The following NUP50 variants were observed in gnomAD, a reference collection of about 807,000 sequenced individuals.
NUP50 encodes nucleoporin 50, also known as nuclear pore complex protein Nup50.
NUP50 carries 14 observed loss-of-function variants against 36.8 expected under a neutral mutation model. That is an observed-to-expected ratio of 0.38 (90% confidence interval 0.25 to 0.59). The LOEUF (loss-of-function observed/expected upper bound fraction) is 0.59, where lower values mean the gene tolerates loss of function less well. Among genes scored for constraint, NUP50 ranks in the 20% least tolerant of loss-of-function variants. The pLI is 0.63. For synonymous variants in NUP50, 195 were observed against 210.8 expected (o/e 0.93, Z 0.65); for missense variants, 455 against 564.6 (o/e 0.81, Z 1.97).
chr22:45,166,838 GTATT>G (rs1196374528), intron 1 of NUP50, among the ~76,000 whole-genome samples: 2 of 152,034 alleles, frequency 1.3e-5, no homozygotes, highest in African/African-American at 2.4e-5. Flanking sequence ...AATGGAAAGT[GTATT>G]TATTTCTCAT....
In NUP50 at chr22:45,178,540, G is replaced by T; in HGVS notation, c.643G>T (p.Val215Leu). 6.2e-7 allele frequency: 1 copy of T among 1,612,056 alleles called. No homozygotes were observed. Among genetic ancestry groups the T allele is most frequent in the Non-Finnish European group, 8.5e-7 (1 of 1,179,868 alleles). ...GRNSESESNK[V>L]AAETQSPSLF... ...GAATTCTGAAAGTGAATCTAACAAA[G>T]TGGCAGCTGAAACACAGTCTCCTTC... is the stretch of plus-strand genomic sequence containing the variant. Residue 215 changes from valine (V) to leucine (L), a missense_variant, in exon 5 of 8, where the codon GTG becomes TTG. Coordinates refer to ENST00000347635, the MANE Select transcript of NUP50 (RefSeq NM_007172.4).
Position 45,178,705 on chromosome 22 carries a change from T to C in NUP50, c.808T>C (p.Ser270Pro). 6.2e-7 allele frequency: 1 copy of C among 1,612,756 alleles called. No individual in the cohort carries two copies. Among genetic ancestry groups the C allele is most frequent in the Admixed American group, 1.7e-5 (1 of 60,010 alleles). Residue 270 changes from serine to proline, a missense_variant, in exon 5 of 8, where the codon TCA becomes CCA. Physicochemically the swap from Ser to Pro is moderately conservative, Grantham distance 74 (BLOSUM62 -1). This residue lies in a region of NUP50 where 287 missense variants were observed against 345.5 expected (regional missense o/e 0.83). Transcript: ENST00000347635. ...DPSSLGATSA[S>P]FNFGKKVDSS... ...ATCATCACTAGGAGCGACAAGTGCC[T>C]CATTTAATTTCGGCAAGAAAGTTGA...
Position 45,175,980 on chromosome 22 carries a change from T to C in NUP50, c.240T>C (p.Ala80=). ...GGRFSGFGSG[A]GGKPLEGLSN... is the part of the protein sequence containing the mutation. Reference sequence around the variant, plus strand: ...GCTTTTCTGGATTTGGTAGTGGCGCTGGAGGGAAGCCTTTGGAAGGACTGT... The same window carrying C: ...GCTTTTCTGGATTTGGTAGTGGCGCCGGAGGGAAGCCTTTGGAAGGACTGT... The change falls in exon 4 of 8, where the codon GCT becomes GCC. Residue 80 remains alanine, a synonymous_variant. Coordinates refer to ENST00000347635, the MANE Select transcript of NUP50 (RefSeq NM_007172.4). 1 of 1,614,178 alleles carries C rather than the reference T, an allele frequency of 6.2e-7. No individual in the cohort carries two copies. Among genetic ancestry groups the C allele is most frequent in the Middle Eastern group, 1.6e-4 (1 of 6,062 alleles).
intron 4 of NUP50, among the ~76,000 whole-genome samples, chr22:45,176,313 A>G (rs1370952566): frequency 6.6e-6 from 1 of 152,226 alleles, no homozygotes; most frequent in Non-Finnish European, 1.5e-5. Flanking sequence ...GCTGGCTACC[A>G]GTTGTGTGAC....
intron 2 of NUP50, chr22:45,171,154 C>A (rs132876): frequency 1.7e-6 from 2 of 1,196,574 alleles, no homozygotes; most frequent in Non-Finnish European, 1.1e-6. Context: ...GCAAGTTGGG[C>A]AGGACTCATC....
At chr22:45,169,199 A>T (rs1038411905) in intron 2 of NUP50, among the ~76,000 whole-genome samples, 1 of 152,000 alleles carries the variant, frequency 6.6e-6, no homozygotes, top group Non-Finnish European at 1.5e-5. Flanking sequence ...ACCGCACCCA[A>T]CCCCCCAAAA....
intron 5 of NUP50, chr22:45,179,252 C>G (rs941001400): frequency 4.8e-6 from 1 of 208,456 alleles, no homozygotes; most frequent in African/African-American, 2.3e-5. Context: ...TCATGAATGT[C>G]CCCTGAATTG....
chr22:45,183,700 T>C (rs2074420307), intron 7 of NUP50, 180 bp downstream of exon 7: 1 of 556,928 alleles, frequency 1.8e-6, no homozygotes, highest in Middle Eastern at 4.8e-4. Context: ...GAAACATAAA[T>C]GTGTTAGAAG....
chr22:45,167,102 A>G (rs1440524349), intron 1 of NUP50, among the ~76,000 whole-genome samples: 1 of 152,212 alleles, frequency 6.6e-6, no homozygotes, highest in Non-Finnish European at 1.5e-5. Context: ...TCTGTATTAC[A>G]CAATACACCA....
At chr22:45,174,952 G>A (rs1156769081) in intron 3 of NUP50, among the ~76,000 whole-genome samples, 2 of 151,280 alleles carry the variant, frequency 1.3e-5, no homozygotes, top group African/African-American at 2.4e-5. Flanking sequence ...AAATGAAGGG[G>A]TTCCAGTTTA....
At chr22:45,177,163 G>T (rs34453049) in intron 4 of NUP50, among the ~76,000 whole-genome samples, 1 of 152,024 alleles carries the variant, frequency 6.6e-6, no homozygotes, top group Non-Finnish European at 1.5e-5. Context: ...GTGAGTGTTC[G>T]TATCCACTGG....
chr22:45,177,225 G>C (rs1362468424), intron 4 of NUP50, among the ~76,000 whole-genome samples: 1 of 152,132 alleles, frequency 6.6e-6, no homozygotes, highest in Non-Finnish European at 1.5e-5. Flanking sequence ...CTGTCACCTA[G>C]GCTGGAGTGT....
At chr22:45,176,845 G>A (rs752661262) in intron 4 of NUP50, among the ~76,000 whole-genome samples, 45 of 152,090 alleles carry the variant, frequency 3.0e-4, no homozygotes, top group Non-Finnish European at 1.5e-4. Context: ...GGGTTTAAGC[G>A]ATTCTCCTGC....
chr22:45,167,094 T>C (rs1369834451), intron 1 of NUP50, among the ~76,000 whole-genome samples: 1 of 152,172 alleles, frequency 6.6e-6, no homozygotes, highest in African/African-American at 2.4e-5. Context: ...TAATACACTC[T>C]GTATTACACA....
chr22:45,170,945 G>T (rs1024755885), intron 2 of NUP50: 1 of 1,293,236 alleles, frequency 7.7e-7, no homozygotes, highest in African/African-American at 1.5e-5. Context: ...ACAACTATAG[G>T]TGAGAATTTT....
intron 2 of NUP50, among the ~76,000 whole-genome samples, chr22:45,170,506 T>C (rs2074173773): frequency 6.6e-6 from 1 of 152,206 alleles, no homozygotes; most frequent in African/African-American, 2.4e-5. Context: ...TCCAAGCTTA[T>C]TCTTAGACGG....
chr22:45,181,471 G>A, intron 6 of NUP50, 104 bp downstream of exon 6: 4 of 690,696 alleles, frequency 5.8e-6, no homozygotes, highest in Admixed American at 3.1e-5. Flanking sequence ...TCCAGTCTCG[G>A]GGTCAAGCTT....
chr22:45,175,024 G>A (rs1053500839), intron 3 of NUP50, among the ~76,000 whole-genome samples: 1 of 150,974 alleles, frequency 6.6e-6, no homozygotes, highest in South Asian at 2.1e-4. Context: ...CTTAAGATTT[G>A]TGAACTGTCT....
intron 2 of NUP50, among the ~76,000 whole-genome samples, chr22:45,170,712 C>T (rs1003516620): frequency 6.6e-6 from 1 of 152,108 alleles, no homozygotes; most frequent in Non-Finnish European, 1.5e-5. Context: ...GGTTTAAGAT[C>T]TTAAGCACAG....
Sources: allele counts gnomAD v4.1 joint callset (sites outside exome capture counted in the v4.1 genomes callset), GRCh38; gene constraint gnomAD v4.1.1; regional missense constraint gnomAD v4.1.1; transcripts MANE v1.5; gene names NCBI Gene and HGNC (gene_info 2026-07-23, HGNC 2026-07-21).